GALM: variants seen among roughly 807,000 people sequenced by gnomAD.
GALM encodes the protein aldose 1-epimerase.
GALM carries 43 observed loss-of-function variants against 37.4 expected under a neutral mutation model. The ratio of observed to expected loss-of-function variants is 1.15; its 90% CI spans 0.90 to 1.48. The LOEUF (loss-of-function observed/expected upper bound fraction) is 1.48, where lower values mean the gene tolerates loss of function less well. GALM is among the 40% of genes most tolerant of loss of function. The pLI is 0.00. For missense variants in GALM, 456 were observed against 419.1 expected (o/e 1.09, Z -0.77); for synonymous variants, 199 against 170.6 (o/e 1.17, Z -1.30).
At chr2:38,711,191 G>A (rs565488029) in intron 4 of GALM, among the ~76,000 whole-genome samples, 4 of 132,558 alleles carry the variant, frequency 3.0e-5, no homozygotes, top group African/African-American at 8.4e-5. Flanking sequence ...ACGGAGTCTC[G>A]CTCTGTTGCC....
At chr2:38,705,438 G>T (rs916886948) in intron 4 of GALM, among the ~76,000 whole-genome samples, 6 of 152,222 alleles carry the variant, frequency 3.9e-5, no homozygotes, top group African/African-American at 1.4e-4. Flanking sequence ...GAGGGATGGG[G>T]AGAACCTAAT....
intron 6 of GALM, among the ~76,000 whole-genome samples, chr2:38,732,963 G>A (rs1408974933): frequency 6.7e-6 from 1 of 149,616 alleles, no homozygotes; most frequent in Non-Finnish European, 1.5e-5. Flanking sequence ...GCTCACACCT[G>A]TAATCCCAGC....
At chr2:38,687,558 A>C (rs1665567226) in intron 3 of GALM, among the ~76,000 whole-genome samples, 1 of 151,898 alleles carries the variant, frequency 6.6e-6, no homozygotes, top group African/African-American at 2.4e-5. Flanking sequence ...AAAAATACAA[A>C]AATTAGCCTA....
In GALM at chr2:38,727,027, C is replaced by A. The variant is rs370419539; in HGVS notation, c.635-2529C>A. Among the ~76,000 whole-genome samples the A allele has an allele frequency of 3.0e-4, 46 of 151,980 alleles. 1 individual carries two copies. Among genetic ancestry groups the A allele is most frequent in the South Asian group, 2.5e-3 (12 of 4,802 alleles). ...GGTCAGAAGTTTGAGACCAGCCTGG[C>A]CAACATGTTGAAACCCCGTCTCTAC... On this transcript the variant is annotated intron_variant, in intron 4 of 6. Coordinates refer to ENST00000272252, the MANE Select transcript of GALM (RefSeq NM_138801.3).
intron 5 of GALM, among the ~76,000 whole-genome samples, chr2:38,730,675 C>T (rs1397148539): frequency 6.6e-6 from 1 of 151,948 alleles, no homozygotes; most frequent in Non-Finnish European, 1.5e-5. Context: ...AATCCCAGCA[C>T]TTTAGGTGGC....
At chr2:38,683,826 C>G (rs1297074115) in intron 3 of GALM, among the ~76,000 whole-genome samples, 2 of 152,204 alleles carry the variant, frequency 1.3e-5, no homozygotes, top group African/African-American at 4.8e-5. Flanking sequence ...TTCAGCCTCC[C>G]AAAGTGCTAG....
At chr2:38,676,869 T>A (rs1665272040) in intron 2 of GALM, among the ~76,000 whole-genome samples, 1 of 152,182 alleles carries the variant, frequency 6.6e-6, no homozygotes, top group South Asian at 2.1e-4. Context: ...GCTGCTGGTG[T>A]CCACCCAGGC....
chr2:38,677,167 G>T (rs1665279296), intron 2 of GALM, among the ~76,000 whole-genome samples: 1 of 152,244 alleles, frequency 6.6e-6, no homozygotes, highest in Admixed American at 6.5e-5. Context: ...GTTAACCCCA[G>T]TGATTGCTCT....
At chr2:38,717,972 C>CAG (rs1666303270) in intron 4 of GALM, among the ~76,000 whole-genome samples, 1 of 150,200 alleles carries the variant, frequency 6.7e-6, no homozygotes, top group Non-Finnish European at 1.5e-5. Context: ...GTAGTTAGGA[C>CAG]TACAGGCACG....
rs145467855 is a variant in GALM, at chr2:38,697,546, C to G, written c.634+7652C>G. Among the ~76,000 whole-genome samples the G allele has an allele frequency of 3.8e-3, 576 of 152,272 alleles. 1 individual carries two copies. The highest frequency in any genetic ancestry group is 0.013 in the African/African-American group (550 of 41,536). ...ATCTAAACTTTAGGGGTGTTTTTCACCCTGGCTACAGACACTCGGTAAATA... is the reference window on the plus strand; with the variant it reads ...ATCTAAACTTTAGGGGTGTTTTTCAGCCTGGCTACAGACACTCGGTAAATA... On this transcript the variant is annotated intron_variant, in intron 4 of 6. Transcript: ENST00000272252.
chr2:38,666,889 G>A (rs1319940249), intron 1 of GALM, among the ~76,000 whole-genome samples: 2 of 152,148 alleles, frequency 1.3e-5, no homozygotes, highest in Non-Finnish European at 2.9e-5. Context: ...GAACAAAATA[G>A]AGAAGACCAA....
chr2:38,710,426 G>A (rs1666125832), intron 4 of GALM, among the ~76,000 whole-genome samples: 1 of 152,182 alleles, frequency 6.6e-6, no homozygotes, highest in Admixed American at 6.5e-5. Context: ...GTATTGAGGT[G>A]AGATCTGTCT....
intron 4 of GALM, among the ~76,000 whole-genome samples, chr2:38,699,066 A>G (rs1282993410): frequency 4.0e-5 from 6 of 151,760 alleles, no homozygotes; most frequent in East Asian, 2.0e-4. Flanking sequence ...AACGCCCACC[A>G]CCATGCCCAG....
chr2:38,686,220 ATTTCTTTCTTTC>A (rs200050911), intron 3 of GALM, among the ~76,000 whole-genome samples: 29,220 of 93,420 alleles, frequency 0.31, 4,917 homozygotes, highest in Admixed American at 0.4. Context: ...GAAAGTGGAA[ATTTCTTTCTTTC>A]TTTCTTTCTT....
intron 4 of GALM, among the ~76,000 whole-genome samples, chr2:38,703,070 ATATATATATATATATATATATATTTTTTT>A (rs1310022602): frequency 4.2e-3 from 22 of 5,240 alleles, no homozygotes; most frequent in South Asian, 7.9e-3. Flanking sequence ...ATATATATAT[ATATATATATATATATATATATATTTTTTT>A]TTTTTTTTTT....
chr2:38,711,191 GCT>G (rs1196204630), intron 4 of GALM, among the ~76,000 whole-genome samples: 2 of 132,464 alleles, frequency 1.5e-5, no homozygotes, highest in East Asian at 4.6e-4. Context: ...ACGGAGTCTC[GCT>G]CTGTTGCCCA....
intron 4 of GALM, among the ~76,000 whole-genome samples, chr2:38,726,215 TATTTTTTTTTTTTTA>T (rs1276469969): frequency 6.7e-3 from 61 of 9,092 alleles, no homozygotes; most frequent in African/African-American, 0.013. Flanking sequence ...AAAGTGCCTT[TATTTTTTTTTTTTTA>T]TTTTTTTTTT....
At chr2:38,719,824 A>G (rs1322332661) in intron 4 of GALM, among the ~76,000 whole-genome samples, 1 of 148,310 alleles carries the variant, frequency 6.7e-6, no homozygotes, top group Non-Finnish European at 1.5e-5. Context: ...GAGAACCTTT[A>G]GTGACCCCCG....
At chr2:38,667,066 G>A (rs922827910) in intron 1 of GALM, among the ~76,000 whole-genome samples, 7 of 152,254 alleles carry the variant, frequency 4.6e-5, no homozygotes, top group African/African-American at 1.7e-4. Flanking sequence ...CGGTTTGGCT[G>A]GGGAGATAGA....
Sources: gnomAD v4.1 joint callset for allele counts (sites outside exome capture counted in the v4.1 genomes callset) on GRCh38, gnomAD v4.1.1 for gene constraint, MANE v1.5 for transcripts, NCBI Gene and HGNC (gene_info 2026-07-23, HGNC 2026-07-21) for gene names.